The following CDH10 variants were observed in gnomAD, a reference collection of about 807,000 sequenced individuals.
The protein encoded by CDH10 is cadherin-10.
A neutral mutation model predicts 73.1 loss-of-function variants in CDH10; 30 were observed. The observed-to-expected ratio is 0.41, with a 90% CI of 0.31 to 0.56. CDH10 has a LOEUF of 0.56. Ranked by LOEUF, CDH10 falls within the 20% of genes least tolerant of loss-of-function variation. CDH10 has a pLI of 0.27. For missense variants in CDH10, 815 were observed against 973.7 expected (o/e 0.84, Z 2.17); for synonymous variants, 345 against 348.2 (o/e 0.99, Z 0.10).
At chr5:24,515,489 T>A (rs1336999838) in intron 5 of CDH10, among the ~76,000 whole-genome samples, 1 of 152,214 alleles carries the variant, frequency 6.6e-6, no homozygotes, top group Non-Finnish European at 1.5e-5. Flanking sequence ...TGGAAATGTA[T>A]AATATTTAGT....
chr5:24,544,979 C>T (rs1744288367), intron 2 of CDH10, among the ~76,000 whole-genome samples: 1 of 152,174 alleles, frequency 6.6e-6, no homozygotes, highest in Non-Finnish European at 1.5e-5. Flanking sequence ...CAGGCATTAA[C>T]TGCTTCAAAG....
At chr5:24,638,434 G>A (rs967656774) in intron 1 of CDH10, among the ~76,000 whole-genome samples, 6 of 151,410 alleles carry the variant, frequency 4.0e-5, no homozygotes, top group African/African-American at 1.5e-4. Context: ...CTCAGTAGTT[G>A]AAAACAAAAA....
At chr5:24,626,238 A>T (rs983085052) in intron 1 of CDH10, among the ~76,000 whole-genome samples, 1 of 152,156 alleles carries the variant, frequency 6.6e-6, no homozygotes, top group Non-Finnish European at 1.5e-5. Flanking sequence ...AGAGTTTTAG[A>T]CATTGGTAGG....
chr5:24,533,788 A>G (rs1743835830), intron 5 of CDH10, among the ~76,000 whole-genome samples: 2 of 152,108 alleles, frequency 1.3e-5, no homozygotes, highest in African/African-American at 4.8e-5. Context: ...TCTTACCAAT[A>G]TTAAAGGTAA....
At chr5:24,590,656 G>A (rs1746168545) in intron 2 of CDH10, among the ~76,000 whole-genome samples, 1 of 151,906 alleles carries the variant, frequency 6.6e-6, no homozygotes, top group East Asian at 1.9e-4. Context: ...AGAAATTATA[G>A]GCATCAATTC....
At chr5:24,640,317 G>T (rs940332164) in intron 1 of CDH10, among the ~76,000 whole-genome samples, 1 of 151,592 alleles carries the variant, frequency 6.6e-6, no homozygotes, top group Non-Finnish European at 1.5e-5. Flanking sequence ...GTAGAAGAGA[G>T]AGAGAGGGAG....
intron 2 of CDH10, among the ~76,000 whole-genome samples, chr5:24,589,043 C>T (rs1486953673): frequency 6.6e-6 from 1 of 152,038 alleles, no homozygotes; most frequent in Non-Finnish European, 1.5e-5. Context: ...CAAAAGGGCC[C>T]CATAACTTGC....
At chr5:24,600,239 A>G (rs1406131785) in intron 1 of CDH10, among the ~76,000 whole-genome samples, 5 of 152,166 alleles carry the variant, frequency 3.3e-5, no homozygotes, top group African/African-American at 1.2e-4. Flanking sequence ...AAATCCTTCA[A>G]TTATTGAGCT....
At chr5:24,569,948 T>G (rs1312822512) in intron 2 of CDH10, among the ~76,000 whole-genome samples, 3 of 152,070 alleles carry the variant, frequency 2.0e-5, no homozygotes, top group African/African-American at 7.2e-5. Flanking sequence ...GTATTTTTAG[T>G]AGAGACGGGG....
Position 24,554,119 on chromosome 5 carries a change from G to GGAGAGAGAGAGA in CDH10, c.232-16457_232-16446dup, listed in dbSNP as rs71605680. ...AGAGAAGGGGAGGTGGGCGGGGGGG[G>GGAGAGAGAGAGA]GAGAGAGAGAGACATTCAATCAGCC... is the stretch of plus-strand genomic sequence containing the variant. On this transcript the variant is annotated intron_variant, in intron 2 of 11. Transcript: ENST00000264463. The GGAGAGAGAGAGA allele has an allele frequency of 3.5e-4, 14 of 39,768 alleles. 3 individuals are homozygous for GGAGAGAGAGAGA. The highest frequency in any genetic ancestry group is 5.2e-4 in the Non-Finnish European group (9 of 17,256). The allele number at this position is 39,768 out of a possible 1,614,324, so 2.5% of individuals were successfully genotyped here.
At chr5:24,555,211 C>T (rs1476767674) in intron 2 of CDH10, among the ~76,000 whole-genome samples, 1 of 151,982 alleles carries the variant, frequency 6.6e-6, no homozygotes, top group Non-Finnish European at 1.5e-5. Context: ...TTTTTTTGTG[C>T]CACTGGATTT....
rs190844209 is a variant in CDH10, at chr5:24,602,880, G to C, written c.-123-9267C>G. Among the ~76,000 whole-genome samples the C allele has an allele frequency of 9.2e-5, 14 of 152,184 alleles. No homozygotes were observed. In the East Asian group the frequency reaches 2.5e-3, roughly 27 times the overall value. On this transcript the variant is annotated intron_variant, in intron 1 of 11. Transcript: ENST00000264463. Reference sequence around the variant, plus strand: ...GGAATAAAAATATGGAGTCATAAGGGAAGAATATGTCTCAAGGCCTAATTT... The same window carrying C: ...GGAATAAAAATATGGAGTCATAAGGCAAGAATATGTCTCAAGGCCTAATTT...
chr5:24,597,413 T>A (rs186306015), intron 1 of CDH10, among the ~76,000 whole-genome samples: 1 of 152,190 alleles, frequency 6.6e-6, no homozygotes, highest in African/African-American at 2.4e-5. Flanking sequence ...TTTTCCTATT[T>A]AGTGCTTCAG....
rs2111753902 is a variant in CDH10, at chr5:24,509,771, C to T, written c.1051G>A (p.Glu351Lys). Residue 351 changes from glutamate to lysine, a missense_variant, in exon 7 of 12, where the codon GAA becomes AAA. This residue lies in a region of CDH10 where 516 missense variants were observed against 636.6 expected (regional missense o/e 0.81). Transcript: ENST00000264463. Reference protein sequence around the residue: ...RRLYTLKVEAENTHVDPRFYY... With the variant: ...RRLYTLKVEAKNTHVDPRFYY... ...AAACGGGGATCTACATGGGTGTTTT[C>T]TGCTTCGACTTTCAGAGTATAAAGT... The T allele has an allele frequency of 1.2e-6, 2 of 1,612,392 alleles. No homozygotes were observed. Among genetic ancestry groups the T allele is most frequent in the South Asian group, 2.2e-5 (2 of 91,042 alleles).
intron 8 of CDH10, among the ~76,000 whole-genome samples, chr5:24,499,698 A>AT (rs1742420655): frequency 6.7e-6 from 1 of 149,696 alleles, no homozygotes; most frequent in African/African-American, 2.4e-5. Context: ...GAAAAAAAAA[A>AT]AATGATGCAT....
Position 24,487,883 on chromosome 5 carries a change from T to C in CDH10, c.2147A>G (p.Glu716Gly), listed in dbSNP as rs1156402715. The stretch of plus-strand genomic sequence containing the variant: ...GTCAAGATCATGCTCTTTTAGCCTT[T>C]CATTAATGAAATCCCGGACGTCCGT... Reference protein sequence around the residue: ...DNTDVRDFINERLKEHDLDPT... With the variant: ...DNTDVRDFINGRLKEHDLDPT... Residue 716 changes from glutamate (E) to glycine (G), a missense_variant, in exon 12 of 12, where the codon GAA (glutamate) becomes GGA (glycine). Physicochemically the swap from Glu to Gly is moderately conservative, Grantham distance 98. Transcript: ENST00000264463. 2 of 1,614,008 alleles carry C rather than the reference T, an allele frequency of 1.2e-6. No homozygotes were observed. The highest frequency in any genetic ancestry group is 1.7e-5 in the Admixed American group (1 of 59,984).
At chr5:24,640,412 G>A (rs1561210574) in intron 1 of CDH10, among the ~76,000 whole-genome samples, 1 of 151,636 alleles carries the variant, frequency 6.6e-6, no homozygotes, top group African/African-American at 2.4e-5. Context: ...CTGTTGTGAA[G>A]CAATGTTGTA....
chr5:24,511,943 T>C (rs1035469036), intron 5 of CDH10, among the ~76,000 whole-genome samples: 1 of 152,066 alleles, frequency 6.6e-6, no homozygotes, highest in Non-Finnish European at 1.5e-5. Context: ...TGAGAACTCA[T>C]GGACACAAAG....
At chr5:24,535,387 G>T (rs955599292) in intron 4 of CDH10, 108 bp from the exon 5 acceptor site, 1 of 979,428 alleles carries the variant, frequency 1.0e-6, no homozygotes. Context: ...TGAAAGATAC[G>T]TTTTGATACT....
Sources: allele counts gnomAD v4.1 joint callset (sites outside exome capture counted in the v4.1 genomes callset), GRCh38; gene constraint gnomAD v4.1.1; regional missense constraint gnomAD v4.1.1; transcripts MANE v1.5; gene names NCBI Gene and HGNC (gene_info 2026-07-23, HGNC 2026-07-21).